Variants in RASGRF2 observed in about 807,000 individuals in gnomAD.
RASGRF2 encodes the protein ras-specific guanine nucleotide-releasing factor 2.
A neutral mutation model predicts 151.0 loss-of-function variants in RASGRF2; 76 were observed. The ratio of observed to expected loss-of-function variants is 0.50; its 90% CI spans 0.42 to 0.61. The LOEUF is 0.61. Ranked by LOEUF, RASGRF2 falls within the 20% of genes least tolerant of loss-of-function variation. The pLI is 0.00. For missense variants in RASGRF2, 1,148 were observed against 1,564.6 expected (o/e 0.73, Z 4.49); for synonymous variants, 504 against 566.5 (o/e 0.89, Z 1.57).
At chr5:81,083,360 C>A (rs1752141155) in intron 7 of RASGRF2, among the ~76,000 whole-genome samples, 1 of 151,716 alleles carries the variant, frequency 6.6e-6, no homozygotes, top group Non-Finnish European at 1.5e-5. Flanking sequence ...TTTCTTGAGC[C>A]CAGATATGGA....
At chr5:81,065,860 T>C (rs2112447775) in intron 2 of RASGRF2, among the ~76,000 whole-genome samples, 1 of 152,280 alleles carries the variant, frequency 6.6e-6, no homozygotes, top group South Asian at 2.1e-4. Flanking sequence ...CATATTTTCC[T>C]GTTTTTATCA....
At chr5:81,217,520 T>G (rs1755764939) in intron 25 of RASGRF2, 47 bp downstream of exon 25, 10 of 1,454,256 alleles carry the variant, frequency 6.9e-6, no homozygotes, top group Non-Finnish European at 9.2e-6. Context: ...TTTAGAGGTT[T>G]ATAGAGAAGA....
At chr5:81,148,069 T>C (rs571014861) in intron 17 of RASGRF2, among the ~76,000 whole-genome samples, 5 of 152,336 alleles carry the variant, frequency 3.3e-5, no homozygotes, top group South Asian at 2.1e-4. Context: ...GTCTTTTTTC[T>C]GTACTAGCAT....
At chr5:81,003,425 A>G (rs191012242) in intron 1 of RASGRF2, among the ~76,000 whole-genome samples, 4,081 of 152,178 alleles carry the variant, frequency 0.027, 162 homozygotes, top group African/African-American at 0.082. Context: ...GGGTTTCACC[A>G]GGTTAGCCAG....
intron 15 of RASGRF2, among the ~76,000 whole-genome samples, chr5:81,119,207 C>A (rs1358481740): frequency 2.6e-5 from 4 of 152,228 alleles, no homozygotes. Context: ...ATAGCAGTAA[C>A]CTCACTTCTC....
At chr5:81,112,988 C>A in intron 14 of RASGRF2, 130 bp downstream of exon 14, 1 of 1,191,322 alleles carries the variant, frequency 8.4e-7, no homozygotes, top group Non-Finnish European at 1.2e-6. Flanking sequence ...CTGAATGTAC[C>A]ATGCCCCTCC....
At chr5:81,151,286 C>A (rs918418702) in intron 17 of RASGRF2, among the ~76,000 whole-genome samples, 2 of 152,074 alleles carry the variant, frequency 1.3e-5, no homozygotes, top group Non-Finnish European at 2.9e-5. Context: ...GGTCTTGAGG[C>A]AGATCTCTGG....
At chr5:80,984,351 C>A (rs917682077) in intron 1 of RASGRF2, among the ~76,000 whole-genome samples, 8 of 152,326 alleles carry the variant, frequency 5.3e-5, no homozygotes, top group African/African-American at 1.9e-4. Context: ...CTGCACCTGG[C>A]CTCGTGTTTC....
chr5:81,030,551 A>C lies in RASGRF2; in HGVS notation c.289-12326A>C, dbSNP rs1407853457. Among the ~76,000 whole-genome samples the C allele has an allele frequency of 3.3e-5, 5 of 152,338 alleles. No homozygotes were observed. In the East Asian group the frequency reaches 9.6e-4, roughly 29 times the overall value. On this transcript the variant is annotated intron_variant, in intron 1 of 26. Coordinates refer to ENST00000265080, the MANE Select transcript of RASGRF2 (RefSeq NM_006909.3). ...CAGAATTTCATATCCAGCCAAACTA[A>C]GCTTCATAACTGAAGGAGAAATAAA...
intron 17 of RASGRF2, among the ~76,000 whole-genome samples, chr5:81,160,464 G>A (rs976629398): frequency 6.6e-6 from 1 of 151,332 alleles, no homozygotes; most frequent in Non-Finnish European, 1.5e-5. Flanking sequence ...GAGGTCAGGA[G>A]ATCAAGACCA....
intron 1 of RASGRF2, among the ~76,000 whole-genome samples, chr5:81,026,765 G>A (rs571851076): frequency 1.4e-4 from 22 of 152,096 alleles, no homozygotes; most frequent in Non-Finnish European, 3.2e-4. Context: ...AAAAAAGCAG[G>A]CAACTTTTTG....
intron 12 of RASGRF2, among the ~76,000 whole-genome samples, chr5:81,105,713 G>A (rs1752827688): frequency 6.6e-6 from 1 of 152,110 alleles, no homozygotes; most frequent in Admixed American, 6.6e-5. Flanking sequence ...GAAGTCTAAG[G>A]AGTAGCTAGA....
intron 1 of RASGRF2, among the ~76,000 whole-genome samples, chr5:81,036,284 A>T (rs1196944882): frequency 6.6e-6 from 1 of 151,804 alleles, no homozygotes; most frequent in Admixed American, 6.6e-5. Flanking sequence ...ATTTAGCTCT[A>T]TTTTCCTCCT....
At chr5:81,161,456 GA>G (rs1754382157) in intron 17 of RASGRF2, among the ~76,000 whole-genome samples, 1 of 152,206 alleles carries the variant, frequency 6.6e-6, no homozygotes, top group African/African-American at 2.4e-5. Context: ...GACCTTGAAA[GA>G]AAATAGCCTT....
chr5:81,054,266 A>G (rs1365503389), intron 2 of RASGRF2, among the ~76,000 whole-genome samples: 1 of 152,206 alleles, frequency 6.6e-6, no homozygotes, highest in Admixed American at 6.5e-5. Flanking sequence ...TAGGTCTAAC[A>G]TGTAAGTCTT....
intron 18 of RASGRF2, among the ~76,000 whole-genome samples, chr5:81,185,024 A>G (rs1171939614): frequency 6.6e-6 from 1 of 152,248 alleles, no homozygotes; most frequent in African/African-American, 2.4e-5. Flanking sequence ...AATAGGTAGC[A>G]GCAACAGCCT....
chr5:81,075,038 C>G (rs1221596460), intron 5 of RASGRF2, among the ~76,000 whole-genome samples: 1 of 152,190 alleles, frequency 6.6e-6, no homozygotes, highest in Non-Finnish European at 1.5e-5. Flanking sequence ...TTGAAATGCT[C>G]TCTCTGGCTT....
chr5:81,170,225 C>T (rs1054962989), intron 17 of RASGRF2, among the ~76,000 whole-genome samples: 1 of 152,262 alleles, frequency 6.6e-6, no homozygotes, highest in Non-Finnish European at 1.5e-5. Flanking sequence ...ACCTGCACCA[C>T]CTACAGTATC....
intron 25 of RASGRF2, 51 bp downstream of exon 25, chr5:81,217,524 G>T: frequency 8.0e-7 from 1 of 1,248,498 alleles, no homozygotes. Context: ...GAGGTTTATA[G>T]AGAAGAGGCT....
Sources: gnomAD v4.1 joint callset for allele counts (sites outside exome capture counted in the v4.1 genomes callset) on GRCh38, gnomAD v4.1.1 for gene constraint, MANE v1.5 for transcripts, NCBI Gene and HGNC (gene_info 2026-07-23, HGNC 2026-07-21) for gene names.